TENM3: variants seen among roughly 807,000 people sequenced by gnomAD.
The protein encoded by TENM3 is teneurin transmembrane protein 3.
In TENM3, 63 loss-of-function variants were observed where a neutral mutation model predicts 255.1. The ratio of observed to expected loss-of-function variants is 0.25; its 90% CI spans 0.20 to 0.30. The LOEUF is 0.30. TENM3 is among the 10% of genes least tolerant of loss of function. TENM3 has a pLI of 1.00. For missense variants in TENM3, 2,929 were observed against 3,461.1 expected, an observed-to-expected ratio of 0.85 and a Z score of 3.86; for synonymous variants, 1,306 against 1,322.3, an observed-to-expected ratio of 0.99 and a Z score of 0.27.
chr4:182,134,368 TCTTC>T, the TENM3 span, among the ~76,000 whole-genome samples: 1 of 152,166 alleles, frequency 6.6e-6, no homozygotes, highest in Admixed American at 6.5e-5. Context: ...ATGCACCCTC[TCTTC>T]CTTCCAGCAT....
intron 22 of TENM3, among the ~76,000 whole-genome samples, chr4:182,760,428 C>A (rs968028082): frequency 2.6e-5 from 4 of 152,096 alleles, no homozygotes; most frequent in Admixed American, 6.6e-5. Flanking sequence ...GCTTGCTTAC[C>A]CACATCAAAT....
the TENM3 span, among the ~76,000 whole-genome samples, chr4:181,989,097 G>A: frequency 2.0e-5 from 3 of 152,154 alleles, 1 homozygote; most frequent in South Asian, 6.2e-4. Flanking sequence ...CGGACCAGTG[G>A]TGTTTTAATT....
At chr4:181,893,491 A>ACCCC in the TENM3 span, among the ~76,000 whole-genome samples, 173 of 24,876 alleles carry the variant, frequency 7.0e-3, 3 homozygotes, top group Admixed American at 0.014. Flanking sequence ...TCCCCTGCCC[A>ACCCC]CCCCCCCCCC....
At chr4:181,771,782 C>T in the TENM3 span, among the ~76,000 whole-genome samples, 1 of 152,212 alleles carries the variant, frequency 6.6e-6, no homozygotes, top group Non-Finnish European at 1.5e-5. Flanking sequence ...CAGACGCTGC[C>T]AGTCCCGCAG....
the TENM3 span, among the ~76,000 whole-genome samples, chr4:181,978,519 C>T: frequency 5.3e-5 from 8 of 151,648 alleles, no homozygotes; most frequent in South Asian, 6.2e-4. Flanking sequence ...TGGTGGTGCG[C>T]GCCTGTAATC....
intron 3 of TENM3, among the ~76,000 whole-genome samples, chr4:182,432,741 C>T (rs569976151): frequency 4.1e-4 from 62 of 152,152 alleles, no homozygotes; most frequent in African/African-American, 1.4e-3. Flanking sequence ...CAAGGAGAGG[C>T]GAGGCCACAA....
chr4:182,070,701 T>C, the TENM3 span, among the ~76,000 whole-genome samples: 1 of 152,096 alleles, frequency 6.6e-6, no homozygotes, highest in African/African-American at 2.4e-5. Flanking sequence ...CATACAAAAA[T>C]CTAAGAAGCC....
chr4:182,568,407 C>CT (rs1253742171), intron 3 of TENM3, among the ~76,000 whole-genome samples: 1 of 152,192 alleles, frequency 6.6e-6, no homozygotes, highest in African/African-American at 2.4e-5. Flanking sequence ...GCAAGGCTGC[C>CT]TTTTCTTTTG....
At chr4:182,639,947 G>A (rs750284548) in intron 5 of TENM3, among the ~76,000 whole-genome samples, 10 of 152,154 alleles carry the variant, frequency 6.6e-5, no homozygotes, top group East Asian at 1.9e-4. Context: ...AAAATTAGCC[G>A]GGCGTGGTGG....
intron 1 of TENM3, among the ~76,000 whole-genome samples, chr4:182,272,687 A>G (rs111708330): frequency 0.029 from 4,359 of 152,288 alleles, 227 homozygotes; most frequent in African/African-American, 0.1. Flanking sequence ...TTGAACGTTT[A>G]TGGAGCTTCT....
the TENM3 span, among the ~76,000 whole-genome samples, chr4:181,547,105 G>C: frequency 6.6e-6 from 1 of 152,112 alleles, no homozygotes; most frequent in Non-Finnish European, 1.5e-5. Flanking sequence ...TTGGAGAAAA[G>C]CCTCTTCATG....
the TENM3 span, among the ~76,000 whole-genome samples, chr4:181,967,306 C>A: frequency 1.2e-4 from 19 of 152,098 alleles, no homozygotes; most frequent in Non-Finnish European, 2.6e-4. Context: ...AGTTCTGTAA[C>A]CCCCAGCTTA....
chr4:182,181,416 C>T (rs114397648), intron 1 of TENM3, among the ~76,000 whole-genome samples: 3,236 of 152,274 alleles, frequency 0.021, 53 homozygotes, highest in Non-Finnish European at 0.032. Flanking sequence ...TTTTAATCTG[C>T]GGGAGCCGCG....
intron 1 of TENM3, among the ~76,000 whole-genome samples, chr4:182,157,538 C>T (rs1467714823): frequency 6.6e-6 from 1 of 152,180 alleles, no homozygotes; most frequent in Non-Finnish European, 1.5e-5. Context: ...TGTCAAGTGT[C>T]CTCACTAGAG....
the TENM3 span, among the ~76,000 whole-genome samples, chr4:181,481,775 C>CA: frequency 6.6e-6 from 1 of 151,742 alleles, no homozygotes; most frequent in Admixed American, 6.6e-5. Context: ...TCTTCATGTG[C>CA]AAAAAAGGAG....
chr4:182,574,028 C>T (rs1237757282), intron 3 of TENM3, among the ~76,000 whole-genome samples: 1 of 152,082 alleles, frequency 6.6e-6, no homozygotes, highest in African/African-American at 2.4e-5. Flanking sequence ...TATTTCATTT[C>T]AAACACAGGA....
chr4:181,907,409 T>A, the TENM3 span, among the ~76,000 whole-genome samples: 1 of 152,024 alleles, frequency 6.6e-6, no homozygotes, highest in African/African-American at 2.4e-5. Context: ...GAAATTCAGA[T>A]TTTTCTATGA....
chr4:182,240,587 A>G (rs909569925), upstream of TENM3, among the ~76,000 whole-genome samples: 1 of 152,116 alleles, frequency 6.6e-6, no homozygotes, highest in Non-Finnish European at 1.5e-5. Flanking sequence ...CTTTTCTTCA[A>G]GTTATCTTGC....
the TENM3 span, among the ~76,000 whole-genome samples, chr4:181,979,260 A>G: frequency 6.7e-6 from 1 of 149,574 alleles, no homozygotes. Context: ...TTTGTATTGC[A>G]GTAATGAAGA....
Sources: allele counts gnomAD v4.1 joint callset (sites outside exome capture counted in the v4.1 genomes callset), GRCh38; gene constraint gnomAD v4.1.1; transcripts MANE v1.5; gene names NCBI Gene and HGNC (gene_info 2026-07-23, HGNC 2026-07-21).